ANK2: variants seen among roughly 807,000 people sequenced by gnomAD.
The protein encoded by ANK2 is ankyrin-2.
In ANK2, 83 loss-of-function variants were observed where a neutral mutation model predicts 360.5. The ratio of observed to expected loss-of-function variants is 0.23; its 90% CI spans 0.19 to 0.28. The LOEUF is 0.28. Ranked by LOEUF, ANK2 falls within the 10% of genes least tolerant of loss-of-function variation. The probability of loss-of-function intolerance (pLI) is 1.00; values close to 1 mark genes in which losing one functional copy is unlikely to be tolerated. For synonymous variants in ANK2, 1,740 were observed against 1,759.5 expected (o/e 0.99, Z 0.28); for missense variants, 4,201 against 4,795.7 (o/e 0.88, Z 3.66).
At chr4:113,041,148 A>G (rs2062848359) in intron 2 of ANK2, among the ~76,000 whole-genome samples, 1 of 152,076 alleles carries the variant, frequency 6.6e-6, no homozygotes, top group South Asian at 2.1e-4. Flanking sequence ...ATAACTCTTT[A>G]TAAGGAATGC....
chr4:113,196,699 A>C (rs1340466209), intron 3 of ANK2, among the ~76,000 whole-genome samples: 1 of 151,970 alleles, frequency 6.6e-6, no homozygotes, highest in Non-Finnish European at 1.5e-5. Context: ...AGCTAATTAA[A>C]AAAAATTTTT....
In ANK2 at chr4:113,353,082, A is replaced by G. The variant is rs1469128990; in HGVS notation, c.4464A>G (p.Lys1488=). 1.2e-6 allele frequency: 2 copies of G among 1,613,876 alleles called. No individual in the cohort carries two copies. The highest frequency in any genetic ancestry group is 1.7e-6 in the Non-Finnish European group (2 of 1,179,856). The change falls in exon 38 of 46, where the codon AAA becomes AAG. Residue 1488 remains lysine (K), a synonymous_variant. Coordinates refer to ENST00000357077, the MANE Select transcript of ANK2 (RefSeq NM_001148.6). ...AATCTACAGAAACATCTGTCCTGAA[A>G]AGTCACCTGGTTAATGAAGTTCCTG... ...ETESTETSVL[K]SHLVNEVPVL... is the part of the protein sequence containing the mutation.
chr4:112,916,017 A>G, intron 2 of ANK2, among the ~76,000 whole-genome samples: 1 of 152,180 alleles, frequency 6.6e-6, no homozygotes, highest in Non-Finnish European at 1.5e-5. Flanking sequence ...TTTAATTGTC[A>G]GATATTATTG....
At chr4:113,091,932 C>G (rs1320642848) in intron 1 of ANK2, among the ~76,000 whole-genome samples, 4 of 152,210 alleles carry the variant, frequency 2.6e-5, no homozygotes, top group African/African-American at 9.6e-5. Flanking sequence ...GTGCAGGAGT[C>G]CAATGTTTTT....
At chr4:113,125,770 G>A (rs748246265) in intron 1 of ANK2, among the ~76,000 whole-genome samples, 1 of 151,978 alleles carries the variant, frequency 6.6e-6, no homozygotes, top group Non-Finnish European at 1.5e-5. Context: ...ACACTATGTC[G>A]TAGACAGAGT....
chr4:112,849,221 G>T (rs1319838896), intron 1 of ANK2, among the ~76,000 whole-genome samples: 1 of 152,174 alleles, frequency 6.6e-6, no homozygotes, highest in Non-Finnish European at 1.5e-5. Flanking sequence ...AGTAGGTGTA[G>T]GGTGTTTATA....
At chr4:113,188,054 G>T (rs1480211698) in intron 2 of ANK2, among the ~76,000 whole-genome samples, 4 of 152,132 alleles carry the variant, frequency 2.6e-5, no homozygotes, top group African/African-American at 9.6e-5. Context: ...GAGACGATTG[G>T]GTCCTCAGAT....
In ANK2 at chr4:113,358,477, A is replaced by G; in HGVS notation, c.9859A>G (p.Ile3287Val). The G allele has an allele frequency of 6.2e-7, 1 of 1,614,090 alleles. No homozygotes were observed. The highest frequency in any genetic ancestry group is 1.7e-4 in the Middle Eastern group (1 of 6,060). ...AGAAGAACAGAAATCAGTAATCGAG[A>G]TTCCTACTGCACCCATGGAGAATGT... The part of the protein sequence containing the change: ...SPEEQKSVIE[I>V]PTAPMENVPF... The change falls in exon 38 of 46, where the codon ATT becomes GTT. Residue 3287 changes from isoleucine (I) to valine (V), a missense_variant. Physicochemically the swap from Ile to Val is conservative, Grantham distance 29 (BLOSUM62 3). This residue lies in a region of ANK2 where 2,642 missense variants were observed against 2,714.5 expected (regional missense o/e 0.97). Transcript: ENST00000357077.
chr4:113,016,750 A>C (rs1393796858), intron 2 of ANK2, among the ~76,000 whole-genome samples: 1 of 152,212 alleles, frequency 6.6e-6, no homozygotes, highest in Non-Finnish European at 1.5e-5. Flanking sequence ...AGGAAGCTTG[A>C]TTCTGGTTTG....
chr4:113,216,851 G>T (rs897219652), intron 4 of ANK2, among the ~76,000 whole-genome samples: 7 of 152,016 alleles, frequency 4.6e-5, no homozygotes, highest in Non-Finnish European at 8.8e-5. Flanking sequence ...TTGGGATCAA[G>T]AATTTTATCC....
chr4:112,866,400 A>G (rs17616178), intron 1 of ANK2, among the ~76,000 whole-genome samples: 7,486 of 152,274 alleles, frequency 0.049, 281 homozygotes, highest in Non-Finnish European at 0.067. Flanking sequence ...CAATAAAGTG[A>G]GTGAGTGACT....
At chr4:113,236,957 A>G in intron 5 of ANK2, 30 bp from the exon 6 acceptor site, 1 of 1,610,600 alleles carries the variant, frequency 6.2e-7, no homozygotes, top group Non-Finnish European at 8.5e-7. Context: ...GAAGATGTTA[A>G]CAGACAATTT....
chr4:113,269,457 G>A (rs2057634467), intron 14 of ANK2, among the ~76,000 whole-genome samples: 2 of 152,262 alleles, frequency 1.3e-5, no homozygotes, highest in African/African-American at 4.8e-5. Context: ...CATGGGAAAT[G>A]CGTAGTATCT....
At chr4:113,202,162 TTATAA>T (rs2098838700) in intron 4 of ANK2, among the ~76,000 whole-genome samples, 1 of 152,128 alleles carries the variant, frequency 6.6e-6, no homozygotes, top group Non-Finnish European at 1.5e-5. Context: ...TTAGAATATT[TTATAA>T]TATAATGATT....
intron 2 of ANK2, among the ~76,000 whole-genome samples, chr4:113,021,528 A>ACCCCCCC (rs1203653406): frequency 1.6e-5 from 1 of 63,242 alleles, no homozygotes; most frequent in African/African-American, 6.4e-5. Flanking sequence ...ACACACACAC[A>ACCCCCCC]CCCACACACA....
Position 113,000,716 on chromosome 4 carries a change from A to G in ANK2, c.21+96202A>G, listed in dbSNP as rs558222390. Among the ~76,000 whole-genome samples the G allele has an allele frequency of 5.9e-5, 9 of 152,322 alleles. No homozygotes were observed. The South Asian group carries it at 1.9e-3, about 32-fold the overall frequency. ...TAGGTTTGTGCACAGTTTTTGGTGA[A>G]AGAGTAGAGGCCAATCACATCATCC... is the stretch of plus-strand genomic sequence containing the variant. On this transcript the variant is annotated intron_variant, in intron 2 of 30. Coordinates refer to the ANK2 transcript ENST00000503271.
intron 1 of ANK2, among the ~76,000 whole-genome samples, chr4:113,148,535 A>T (rs558530538): frequency 9.8e-4 from 149 of 152,230 alleles, no homozygotes; most frequent in Middle Eastern, 6.8e-3. Context: ...CTTTTTCATT[A>T]TTCTATAAAT....
the ANK2 span, among the ~76,000 whole-genome samples, chr4:112,774,770 A>G: frequency 3.3e-5 from 5 of 152,254 alleles, no homozygotes; most frequent in Non-Finnish European, 5.9e-5. Flanking sequence ...GTGTGAGACC[A>G]CCACATCATT....
intron 5 of ANK2, among the ~76,000 whole-genome samples, chr4:113,233,104 CTGTTTTTTTTT>C (rs2099331036): frequency 1.7e-4 from 5 of 29,304 alleles, no homozygotes; most frequent in Admixed American, 3.7e-4. Context: ...CTTGGCTTTT[CTGTTTTTTTTT>C]TTTTTTTTTT....
Sources: gnomAD v4.1 joint callset for allele counts (sites outside exome capture counted in the v4.1 genomes callset) on GRCh38, gnomAD v4.1.1 for gene constraint, gnomAD v4.1.1 regional missense constraint, MANE v1.5 for transcripts, NCBI Gene and HGNC (gene_info 2026-07-23, HGNC 2026-07-21) for gene names.